AKAP6: variants seen among roughly 807,000 people sequenced by gnomAD.
AKAP6 encodes A-kinase anchoring protein 6.
AKAP6 carries 58 observed loss-of-function variants against 188.5 expected under a neutral mutation model. The observed-to-expected ratio is 0.31, with a 90% CI of 0.25 to 0.38. The LOEUF (loss-of-function observed/expected upper bound fraction) is 0.38, where lower values mean the gene tolerates loss of function less well. Among genes scored for constraint, AKAP6 ranks in the 10% least tolerant of loss-of-function variants. The pLI is 1.00. For missense variants in AKAP6, 2,710 were observed against 2,740.0 expected (o/e 0.99, Z 0.24); for synonymous variants, 989 against 998.6 (o/e 0.99, Z 0.18).
intron 12 of AKAP6, among the ~76,000 whole-genome samples, chr14:32,783,229 A>G (rs1207420216): frequency 6.6e-6 from 1 of 152,182 alleles, no homozygotes; most frequent in Non-Finnish European, 1.5e-5. Flanking sequence ...ATTGATCCGT[A>G]TAATGTGCCA....
intron 7 of AKAP6, among the ~76,000 whole-genome samples, chr14:32,663,837 T>C (rs894353012): frequency 2.6e-5 from 4 of 152,094 alleles, no homozygotes; most frequent in African/African-American, 7.2e-5. Flanking sequence ...TTCCTTTAAA[T>C]AGATTTTGAG....
At chr14:32,607,329 T>A (rs1886165254) in intron 7 of AKAP6, among the ~76,000 whole-genome samples, 1 of 152,198 alleles carries the variant, frequency 6.6e-6, no homozygotes, top group Non-Finnish European at 1.5e-5. Flanking sequence ...TTATGTGTCG[T>A]CAGTCCCACA....
At chr14:32,694,600 A>G (rs1233692487) in intron 8 of AKAP6, among the ~76,000 whole-genome samples, 1 of 152,202 alleles carries the variant, frequency 6.6e-6, no homozygotes, top group East Asian at 1.9e-4. Flanking sequence ...GTAAACATTT[A>G]TTAATAAACT....
rs116477003 is a variant in AKAP6 at position 32,423,162 on chromosome 14, A to G, written c.-34-10298A>G. ...TCAGAAATTGCCCAGGCCTCTCCCA[A>G]TTAATTTTTTGTGTGTTTGTTTTTT... On this transcript the variant is annotated intron_variant, in intron 1 of 13. Coordinates refer to ENST00000280979, the MANE Select transcript of AKAP6 (RefSeq NM_004274.5). Among the ~76,000 whole-genome samples, 892 of 152,038 alleles carry G rather than the reference A, an allele frequency of 5.9e-3. 10 individuals are homozygous for G. The highest frequency in any genetic ancestry group is 0.021 in the African/African-American group (856 of 41,486).
In AKAP6 at chr14:32,821,781, G is replaced by A. The variant is rs549615030; in HGVS notation, c.3968G>A (p.Ser1323Asn). 5.0e-6 allele frequency: 8 copies of A among 1,613,774 alleles called. No individual in the cohort carries two copies. In the East Asian group the frequency reaches 1.3e-4, roughly 27 times the overall value. Residue 1323 changes from serine (S) to asparagine (N), a missense_variant, in exon 13 of 14, where the codon AGT becomes AAT. By Grantham distance (46) the Ser-to-Asn change is conservative (BLOSUM62 1). Transcript: ENST00000280979. The stretch of plus-strand genomic sequence containing the variant: ...ACACAGCCTAATGTTTTAACTAAGA[G>A]TCTCAGTAAAGACTCTTCATTTTCA... Reference protein sequence around the residue: ...GMTQPNVLTKSLSKDSSFSST... With the variant: ...GMTQPNVLTKNLSKDSSFSST...
chr14:32,387,407 A>G (rs903201974), intron 1 of AKAP6, among the ~76,000 whole-genome samples: 2 of 151,266 alleles, frequency 1.3e-5, no homozygotes, highest in Non-Finnish European at 3.0e-5. Flanking sequence ...TTCCCCATTC[A>G]GTATTATGTT....
In AKAP6 at chr14:32,494,766, C is replaced by T. The variant is rs576913153; in HGVS notation, c.325-40788C>T. 3.3e-5 allele frequency among the ~76,000 whole-genome samples: 5 copies of T among 152,222 alleles called. No individual in the cohort carries two copies. In the East Asian group the frequency reaches 5.8e-4, roughly 18 times the overall value. ...CTATGCTCCCTAACAATCCACATCT[C>T]TAACAAAACTGTCATAGTTCTATGT... On this transcript the variant is annotated intron_variant, in intron 2 of 13. Coordinates refer to ENST00000280979, the MANE Select transcript of AKAP6 (RefSeq NM_004274.5).
chr14:32,424,540 G>C lies in AKAP6; in HGVS notation c.-34-8920G>C, dbSNP rs1338835734. On this transcript the variant is annotated intron_variant, in intron 1 of 13. Transcript: ENST00000280979. ...TTTAAGTTCAGGGGTACAAGTGCAGGTCTGTTATATAGGAAAATTTGTGTC... is the reference window on the plus strand; with the variant it reads ...TTTAAGTTCAGGGGTACAAGTGCAGCTCTGTTATATAGGAAAATTTGTGTC... Among the ~76,000 whole-genome samples, 5 of 151,918 alleles carry C rather than the reference G, an allele frequency of 3.3e-5. No individual in the cohort carries two copies. The East Asian group carries it at 5.8e-4, about 18-fold the overall frequency.
At chr14:32,472,073 G>C (rs1203229427) in intron 2 of AKAP6, among the ~76,000 whole-genome samples, 4 of 152,152 alleles carry the variant, frequency 2.6e-5, no homozygotes, top group African/African-American at 7.2e-5. Context: ...CTACATGCTG[G>C]AGGTTTATTG....
At chr14:32,369,425 A>G (rs530248451) in intron 1 of AKAP6, among the ~76,000 whole-genome samples, 155 of 152,344 alleles carry the variant, frequency 1.0e-3, no homozygotes, top group Admixed American at 3.4e-3. Context: ...AAAATATTTG[A>G]TGAAATTTAG....
intron 8 of AKAP6, among the ~76,000 whole-genome samples, chr14:32,690,204 AT>A (rs1890120648): frequency 2.0e-5 from 3 of 150,758 alleles, no homozygotes; most frequent in Non-Finnish European, 2.9e-5. Context: ...TATTTTGATG[AT>A]TTCTTAATTT....
intron 1 of AKAP6, among the ~76,000 whole-genome samples, chr14:32,417,456 G>A (rs565097563): frequency 1.3e-5 from 2 of 152,118 alleles, no homozygotes; most frequent in African/African-American, 2.4e-5. Context: ...TTTTCTCCAC[G>A]TATTTCTCTG....
At chr14:32,782,183 AAGGGAGGG>A (rs553132400) in intron 12 of AKAP6, among the ~76,000 whole-genome samples, 6 of 121,506 alleles carry the variant, frequency 4.9e-5, no homozygotes, top group South Asian at 6.4e-4. Flanking sequence ...GAAAGAAAGG[AAGGGAGGG>A]AGGGAGGGAG....
At chr14:32,405,456 T>C (rs950472559) in intron 1 of AKAP6, among the ~76,000 whole-genome samples, 3 of 152,230 alleles carry the variant, frequency 2.0e-5, no homozygotes, top group African/African-American at 7.2e-5. Flanking sequence ...TAAATTACAA[T>C]GTTGACATTA....
At chr14:32,615,411 C>CTTT (rs199960304) in intron 7 of AKAP6, among the ~76,000 whole-genome samples, 1 of 142,490 alleles carries the variant, frequency 7.0e-6, no homozygotes, top group African/African-American at 2.6e-5. Flanking sequence ...TAAGTTCCTT[C>CTTT]TTTTTTTTTT....
At chr14:32,398,832 C>T (rs1308190607) in intron 1 of AKAP6, among the ~76,000 whole-genome samples, 2 of 142,668 alleles carry the variant, frequency 1.4e-5, no homozygotes, top group African/African-American at 2.6e-5. Flanking sequence ...CTCTCTCTCT[C>T]TCTTTCTTCC....
At chr14:32,596,637 T>C (rs1457736377) in intron 5 of AKAP6, among the ~76,000 whole-genome samples, 2 of 152,204 alleles carry the variant, frequency 1.3e-5, no homozygotes. Flanking sequence ...GGTACGTGCC[T>C]ATGGCAATAT....
chr14:32,616,681 G>A (rs1886594575), intron 7 of AKAP6, among the ~76,000 whole-genome samples: 1 of 151,928 alleles, frequency 6.6e-6, no homozygotes, highest in East Asian at 1.9e-4. Flanking sequence ...AAAATAATCT[G>A]TACAACAAAC....
At chr14:32,500,647 T>G (rs1880565142) in intron 2 of AKAP6, among the ~76,000 whole-genome samples, 1 of 152,144 alleles carries the variant, frequency 6.6e-6, no homozygotes, top group African/African-American at 2.4e-5. Flanking sequence ...GAAGCTTCCC[T>G]GAGAAGTTCT....
Sources: allele counts gnomAD v4.1 joint callset (sites outside exome capture counted in the v4.1 genomes callset), GRCh38; gene constraint gnomAD v4.1.1; transcripts MANE v1.5; gene names NCBI Gene and HGNC (gene_info 2026-07-23, HGNC 2026-07-21).